The following SIL1 variants were observed in gnomAD, a reference collection of about 807,000 sequenced individuals.
SIL1 encodes the protein nucleotide exchange factor SIL1.
In SIL1, 40 loss-of-function variants were observed where a neutral mutation model predicts 49.1. That is an observed-to-expected ratio of 0.81 (90% CI 0.63 to 1.06). The LOEUF (loss-of-function observed/expected upper bound fraction) is 1.06, where lower values mean the gene tolerates loss of function less well. Ranked by LOEUF, SIL1 falls within the 50% of genes least tolerant of loss-of-function variation. The pLI, the probability that SIL1 is intolerant of heterozygous loss-of-function variation, is 0.00. For synonymous variants in SIL1, 253 were observed against 250.8 expected (o/e 1.01, Z -0.08); for missense variants, 500 against 572.6 (o/e 0.87, Z 1.29).
intron 3 of SIL1, among the ~76,000 whole-genome samples, chr5:139,080,350 A>T (rs1770046236): frequency 6.6e-6 from 1 of 152,252 alleles, no homozygotes; most frequent in South Asian, 2.1e-4. Context: ...TAGCTAGATT[A>T]TGCCAAGTCC....
In SIL1 at chr5:139,026,946, A is replaced by C; in HGVS notation, c.500T>G (p.Leu167Arg). The C allele has an allele frequency of 6.2e-7, 1 of 1,614,194 alleles. No individual in the cohort carries two copies. The highest frequency in any genetic ancestry group is 8.5e-7 in the Non-Finnish European group (1 of 1,180,032). ...ATTCAGCTCATCAAAGTCTTTCTTC[A>C]GTTCCTCAATGGGGCGGAAGAGCCG... ...VKRLFRPIEE[L>R]KKDFDELNVV... is the part of the protein sequence containing the mutation. Residue 167 changes from leucine (L) to arginine (R), a missense_variant, in exon 6 of 10, where the codon CTG (leucine) becomes CGG (arginine). Leu to Arg is a moderately radical substitution (Grantham distance 102). Coordinates refer to ENST00000394817, the MANE Select transcript of SIL1 (RefSeq NM_022464.5).
chr5:139,034,608 C>A (rs1221267435), intron 5 of SIL1, among the ~76,000 whole-genome samples: 2 of 152,180 alleles, frequency 1.3e-5, no homozygotes, highest in African/African-American at 2.4e-5. Context: ...AACCTTACCT[C>A]CAATTATGTT....
intron 9 of SIL1, among the ~76,000 whole-genome samples, chr5:138,950,385 C>G (rs1410124705): frequency 2.0e-5 from 3 of 152,194 alleles, no homozygotes; most frequent in Non-Finnish European, 4.4e-5. Flanking sequence ...CAGTGATGGA[C>G]AGAGGTGGCC....
intron 1 of SIL1, among the ~76,000 whole-genome samples, chr5:139,159,094 A>T (rs1751458147): frequency 6.6e-6 from 1 of 152,028 alleles, no homozygotes; most frequent in African/African-American, 2.4e-5. Context: ...TGGTACTAAA[A>T]GAGAGAGAGG....
In SIL1 at chr5:139,021,993, T is replaced by C. The variant is rs17131908; in HGVS notation, c.646-701A>G. 0.028 allele frequency: 4,330 copies of C among 154,090 alleles called. 497 individuals carry two copies. In the East Asian group the frequency reaches 0.36, roughly 13 times the overall value. 9.5% of individuals were successfully genotyped at this position (154,090 alleles called of 1,614,324 possible). On this transcript the variant is annotated intron_variant, in intron 6 of 9. Coordinates refer to ENST00000394817, the MANE Select transcript of SIL1 (RefSeq NM_022464.5). Reference sequence around the variant, plus strand: ...TATTCAACAGCATTGGTCTAGGCTATCATTTAAGCTCCAAATCCCCAAGTC... The same window carrying C: ...TATTCAACAGCATTGGTCTAGGCTACCATTTAAGCTCCAAATCCCCAAGTC...
intron 3 of SIL1, among the ~76,000 whole-genome samples, chr5:139,091,126 T>C (rs1375909006): frequency 1.3e-5 from 2 of 152,204 alleles, no homozygotes; most frequent in African/African-American, 4.8e-5. Flanking sequence ...TAATTATAAG[T>C]TGGTGGCAAC....
chr5:139,034,638 A>G (rs1768863585), intron 5 of SIL1, among the ~76,000 whole-genome samples: 1 of 152,162 alleles, frequency 6.6e-6, no homozygotes, highest in Non-Finnish European at 1.5e-5. Flanking sequence ...CTTCCTCCTA[A>G]TTGTCTTCAA....
chr5:139,189,906 A>G lies in SIL1; in HGVS notation c.-11+8363T>C, dbSNP rs79949293. Among the ~76,000 whole-genome samples, 1,177 of 152,318 alleles carry G rather than the reference A, an allele frequency of 7.7e-3. 10 individuals carry two copies. Among genetic ancestry groups the G allele is most frequent in the Non-Finnish European group, 0.01 (697 of 68,034 alleles). Reference sequence around the variant, plus strand: ...AACCATCCCCCACATCCCCCAGTCCATGGAAAAATAGTCTTCCATGAAACT... The same window carrying G: ...AACCATCCCCCACATCCCCCAGTCCGTGGAAAAATAGTCTTCCATGAAACT... On this transcript the variant is annotated intron_variant, in intron 1 of 9. Coordinates refer to ENST00000394817, the MANE Select transcript of SIL1 (RefSeq NM_022464.5).
At chr5:139,035,597 C>T in intron 5 of SIL1, 1 of 391,132 alleles carries the variant, frequency 2.6e-6, no homozygotes, top group Non-Finnish European at 5.0e-6. Flanking sequence ...TGTGCCAGCA[C>T]AGACATGGCG....
Position 139,042,692 on chromosome 5 carries a change from T to A in SIL1, c.381A>T (p.Thr127=). The A allele has an allele frequency of 6.2e-7, 1 of 1,614,072 alleles. No individual in the cohort carries two copies. The highest frequency in any genetic ancestry group is 1.7e-5 in the Admixed American group (1 of 60,012). ...KRLDINTNTY[T]SQDLKSALAK... is the part of the protein sequence containing the mutation. ...CCAGTGCACTCTTGAGATCCTGAGA[T>A]GTGTAGGTGTTGGTGTTGATATCCA... The change falls in exon 5 of 10, where the codon ACA becomes ACT. Residue 127 remains threonine (T), a synonymous_variant. Transcript: ENST00000394817.
At chr5:138,959,286 C>T (rs866970939) in intron 7 of SIL1, among the ~76,000 whole-genome samples, 4 of 152,324 alleles carry the variant, frequency 2.6e-5, no homozygotes, top group South Asian at 4.1e-4. Flanking sequence ...GTGATTCCTA[C>T]GTTCTGAGGA....
chr5:138,990,846 G>A (rs1561817944), intron 7 of SIL1, among the ~76,000 whole-genome samples: 1 of 152,202 alleles, frequency 6.6e-6, no homozygotes, highest in African/African-American at 2.4e-5. Context: ...CTCCCAAGTA[G>A]CTGGGATTAC....
intron 7 of SIL1, among the ~76,000 whole-genome samples, chr5:138,983,199 A>C (rs1279169593): frequency 0.065 from 297 of 4,548 alleles, no homozygotes; most frequent in African/African-American, 0.21. Flanking sequence ...ACACTGTCTC[A>C]AAAAAAAAAA....
chr5:138,961,045 G>C (rs1357641367), intron 7 of SIL1, among the ~76,000 whole-genome samples: 1 of 152,168 alleles, frequency 6.6e-6, no homozygotes, highest in East Asian at 1.9e-4. Context: ...TGGAGGGATG[G>C]GGGAGGGAGG....
chr5:138,979,175 C>T (rs1277398561), intron 7 of SIL1, among the ~76,000 whole-genome samples: 1 of 152,018 alleles, frequency 6.6e-6, no homozygotes, highest in Admixed American at 6.6e-5. Context: ...AGCGATTCTC[C>T]TGCCTCAGCC....
chr5:139,159,984 A>G (rs1246915177), intron 1 of SIL1, among the ~76,000 whole-genome samples: 2 of 152,220 alleles, frequency 1.3e-5, no homozygotes, highest in Non-Finnish European at 2.9e-5. Context: ...TAGGCATCAC[A>G]GAAGTGCAGG....
chr5:138,974,889 CTG>C (rs1468478215), intron 7 of SIL1, among the ~76,000 whole-genome samples: 2 of 152,192 alleles, frequency 1.3e-5, no homozygotes, highest in Non-Finnish European at 2.9e-5. Flanking sequence ...TCACATGAGT[CTG>C]TGAAGCACCA....
At chr5:139,170,745 C>T (rs1314312098) in intron 1 of SIL1, among the ~76,000 whole-genome samples, 7 of 149,142 alleles carry the variant, frequency 4.7e-5, no homozygotes, top group South Asian at 4.3e-4. Context: ...GGAGCGTCTC[C>T]GCCCGGCAGC....
intron 1 of SIL1, among the ~76,000 whole-genome samples, chr5:139,194,930 CTTT>C (rs35417485): frequency 1.4e-5 from 2 of 141,650 alleles, no homozygotes; most frequent in African/African-American, 2.6e-5. Context: ...CTTTCAGAGC[CTTT>C]TTTTTTTTTT....
Sources: allele counts gnomAD v4.1 joint callset (sites outside exome capture counted in the v4.1 genomes callset), GRCh38; gene constraint gnomAD v4.1.1; transcripts MANE v1.5; gene names NCBI Gene and HGNC (gene_info 2026-07-23, HGNC 2026-07-21).